Variants in RSRC1 observed in about 807,000 individuals in gnomAD.
RSRC1 encodes arginine and serine rich coiled-coil 1.
In RSRC1, 39 loss-of-function variants were observed where a neutral mutation model predicts 49.1. The observed-to-expected ratio is 0.79, with a 90% CI of 0.61 to 1.04. The LOEUF (loss-of-function observed/expected upper bound fraction) is 1.04. RSRC1 is among the 50% of genes least tolerant of loss of function. The pLI, the probability that RSRC1 is intolerant of heterozygous loss-of-function variation, is 0.00. For synonymous variants in RSRC1, 143 were observed against 130.8 expected (o/e 1.09, Z -0.63); for missense variants, 388 against 402.4 (o/e 0.96, Z 0.31).
chr3:158,357,180 C>G (rs868200759), intron 6 of RSRC1, among the ~76,000 whole-genome samples: 1 of 152,130 alleles, frequency 6.6e-6, no homozygotes, highest in Non-Finnish European at 1.5e-5. Context: ...GTAATGAACA[C>G]CCTCTTATAC....
chr3:158,266,730 C>G (rs138099635), intron 4 of RSRC1, among the ~76,000 whole-genome samples: 26 of 151,846 alleles, frequency 1.7e-4, no homozygotes, highest in South Asian at 2.1e-4. Flanking sequence ...GCAAAAGTGT[C>G]TTCATTTCAC....
intron 3 of RSRC1, chr3:158,136,986 C>G (rs1716420329): frequency 6.6e-6 from 1 of 152,134 alleles, no homozygotes; most frequent in Non-Finnish European, 1.5e-5. Context: ...TTCTATCGTT[C>G]TTTCATTTAC....
At position 158,541,205 on chromosome 3, in the gene RSRC1, T is replaced by C. The variant is rs1713014103; in HGVS notation, c.760-2130T>C. Reference sequence around the variant, plus strand: ...CCTCTGGCCAGAGAACCATTCTTCCTTTTCACCTGCCTGGCTCCTTCTAAG... The same window carrying C: ...CCTCTGGCCAGAGAACCATTCTTCCCTTTCACCTGCCTGGCTCCTTCTAAG... On this transcript the variant is annotated intron_variant, in intron 8 of 9. Coordinates refer to ENST00000611884, the MANE Select transcript of RSRC1 (RefSeq NM_001271838.2). Among the ~76,000 whole-genome samples the C allele has an allele frequency of 2.0e-5, 3 of 152,130 alleles. No homozygotes were observed. In the South Asian group the frequency reaches 6.2e-4, roughly 32 times the overall value.
At chr3:158,143,188 C>A (rs1716860014) in intron 3 of RSRC1, among the ~76,000 whole-genome samples, 1 of 152,070 alleles carries the variant, frequency 6.6e-6, no homozygotes, top group Non-Finnish European at 1.5e-5. Flanking sequence ...TTTCTAAAAT[C>A]CTGGTTGATT....
intron 6 of RSRC1, among the ~76,000 whole-genome samples, chr3:158,403,563 C>G (rs1021773994): frequency 6.6e-6 from 1 of 151,708 alleles, no homozygotes; most frequent in Non-Finnish European, 1.5e-5. Context: ...AGTTTTATGC[C>G]TCAGGAGTTC....
At chr3:158,318,649 C>G (rs1250030131) in intron 5 of RSRC1, among the ~76,000 whole-genome samples, 1 of 152,198 alleles carries the variant, frequency 6.6e-6, no homozygotes, top group Admixed American at 6.5e-5. Flanking sequence ...TCCCATAACA[C>G]TGTTGATCCC....
At chr3:158,173,089 T>C (rs757918737) in intron 3 of RSRC1, among the ~76,000 whole-genome samples, 12 of 152,076 alleles carry the variant, frequency 7.9e-5, no homozygotes, top group Non-Finnish European at 1.2e-4. Context: ...CTGATTTATA[T>C]CTGTGATTAT....
At chr3:158,458,726 G>A (rs188761275) in intron 6 of RSRC1, among the ~76,000 whole-genome samples, 4 of 152,072 alleles carry the variant, frequency 2.6e-5, no homozygotes, top group African/African-American at 7.2e-5. Context: ...CCACTTGTTC[G>A]TTATGCTCTT....
At chr3:158,234,189 C>A (rs187221041) in intron 4 of RSRC1, among the ~76,000 whole-genome samples, 9 of 152,256 alleles carry the variant, frequency 5.9e-5, no homozygotes, top group Non-Finnish European at 1.0e-4. Flanking sequence ...TGTATTGCAG[C>A]TGAAGCAGTT....
chr3:158,322,257 C>T (rs893105431), intron 5 of RSRC1, among the ~76,000 whole-genome samples: 1 of 152,108 alleles, frequency 6.6e-6, no homozygotes. Flanking sequence ...CACCTTCCAC[C>T]CCTCCCAGCA....
At chr3:158,192,734 G>C (rs146903733) in intron 3 of RSRC1, among the ~76,000 whole-genome samples, 2 of 151,940 alleles carry the variant, frequency 1.3e-5, no homozygotes, top group East Asian at 3.9e-4. Flanking sequence ...TCCTCCAAAG[G>C]CTTCAGGACT....
intron 7 of RSRC1, among the ~76,000 whole-genome samples, chr3:158,479,137 C>CCA (rs1738508752): frequency 6.6e-6 from 1 of 150,662 alleles, no homozygotes; most frequent in African/African-American, 2.4e-5. Context: ...TATGTTACTG[C>CCA]CTTGTGGACA....
At chr3:158,472,442 A>G (rs1431868354) in intron 7 of RSRC1, among the ~76,000 whole-genome samples, 6 of 152,176 alleles carry the variant, frequency 3.9e-5, no homozygotes, top group African/African-American at 1.2e-4. Flanking sequence ...AAAAAAATAC[A>G]AAATAATACT....
intron 7 of RSRC1, among the ~76,000 whole-genome samples, chr3:158,504,349 C>T (rs748223562): frequency 2.6e-5 from 4 of 152,220 alleles, no homozygotes; most frequent in Non-Finnish European, 4.4e-5. Context: ...CTCTGTGATG[C>T]TGTCTGTCCA....
At chr3:158,288,571 A>T (rs1726716133) in intron 4 of RSRC1, among the ~76,000 whole-genome samples, 1 of 152,178 alleles carries the variant, frequency 6.6e-6, no homozygotes, top group South Asian at 2.1e-4. Context: ...TGGATTGGAC[A>T]GTTACTATTT....
intron 3 of RSRC1, among the ~76,000 whole-genome samples, chr3:158,139,860 G>A (rs546695923): frequency 3.9e-5 from 6 of 152,184 alleles, no homozygotes; most frequent in African/African-American, 9.6e-5. Context: ...GTCTTGAACT[G>A]GTCTCAAGTA....
intron 3 of RSRC1, among the ~76,000 whole-genome samples, chr3:158,161,123 C>G (rs1310848914): frequency 6.6e-6 from 1 of 152,116 alleles, no homozygotes; most frequent in Non-Finnish European, 1.5e-5. Flanking sequence ...CAGCTATTGA[C>G]ACAATAATGC....
intron 7 of RSRC1, among the ~76,000 whole-genome samples, chr3:158,510,600 A>G (rs1198162657): frequency 1.3e-5 from 2 of 152,220 alleles, no homozygotes; most frequent in Non-Finnish European, 2.9e-5. Context: ...TAATAATCAC[A>G]TCACAGAAAA....
chr3:158,114,893 C>T (rs1359594035), intron 1 of RSRC1, among the ~76,000 whole-genome samples: 1 of 152,132 alleles, frequency 6.6e-6, no homozygotes, highest in Admixed American at 6.5e-5. Flanking sequence ...GCTTAATAAG[C>T]TTTTGAGCTG....
Sources: allele counts gnomAD v4.1 joint callset (sites outside exome capture counted in the v4.1 genomes callset), GRCh38; gene constraint gnomAD v4.1.1; transcripts MANE v1.5; gene names NCBI Gene and HGNC (gene_info 2026-07-23, HGNC 2026-07-21).